GSTCD: variants seen among roughly 807,000 people sequenced by gnomAD.
GSTCD encodes glutathione S-transferase C-terminal domain containing, also known as glutathione S-transferase C-terminal domain-containing protein.
A neutral mutation model predicts 68.3 loss-of-function variants in GSTCD; 44 were observed. That is an observed-to-expected ratio of 0.64 (90% CI 0.51 to 0.83). The LOEUF is 0.83. Ranked by LOEUF, GSTCD falls within the 40% of genes least tolerant of loss-of-function variation. The probability of loss-of-function intolerance (pLI) is 0.00; values close to 1 mark genes in which losing one functional copy is unlikely to be tolerated. For synonymous variants in GSTCD, 273 were observed against 255.2 expected (o/e 1.07, Z -0.67); for missense variants, 739 against 735.9 (o/e 1.00, Z -0.05).
intron 5 of GSTCD, among the ~76,000 whole-genome samples, chr4:105,784,328 G>T (rs1462286343): frequency 6.6e-6 from 1 of 152,194 alleles, no homozygotes; most frequent in African/African-American, 2.4e-5. Flanking sequence ...GGCAGAATGT[G>T]GAAGGCAGAA....
intron 1 of GSTCD, among the ~76,000 whole-genome samples, chr4:105,711,281 A>G (rs1210954902): frequency 1.3e-5 from 2 of 152,228 alleles, no homozygotes; most frequent in African/African-American, 4.8e-5. Flanking sequence ...GATTTTTCAT[A>G]CTTATAAACT....
chr4:105,783,333 G>A (rs954581621), intron 5 of GSTCD, among the ~76,000 whole-genome samples: 7 of 152,136 alleles, frequency 4.6e-5, no homozygotes, highest in Non-Finnish European at 1.0e-4. Context: ...TGCTTTAGCA[G>A]GTTGGTATAT....
At chr4:105,744,461 A>G (rs1733736411) in intron 5 of GSTCD, among the ~76,000 whole-genome samples, 2 of 152,154 alleles carry the variant, frequency 1.3e-5, no homozygotes, top group South Asian at 2.1e-4. Flanking sequence ...TCATCCTTCT[A>G]TATTTATTAG....
intron 5 of GSTCD, chr4:105,761,698 T>C (rs1455161515): frequency 6.6e-6 from 1 of 152,150 alleles, no homozygotes; most frequent in Non-Finnish European, 1.5e-5. Context: ...CTGGCTTGTA[T>C]TGCTATTTAC....
intron 5 of GSTCD, among the ~76,000 whole-genome samples, chr4:105,748,735 T>C (rs1026680556): frequency 6.6e-6 from 1 of 151,914 alleles, no homozygotes; most frequent in African/African-American, 2.4e-5. Context: ...ACATACGATA[T>C]GTATTATATA....
rs137883958 is a variant in GSTCD, at chr4:105,834,532, C to T, written c.1602C>T (p.Phe534=). The T allele has an allele frequency of 2.5e-5, 40 of 1,614,038 alleles. No individual in the cohort carries two copies. In the East Asian group the frequency reaches 6.5e-4, roughly 26 times the overall value. ...IEHCIKTRAS[F]VTCPCCYGFI... ...ACTGTATCAAAACACGGGCTTCCTT[C>T]GTCACATGCCCTTGCTGTTATGGTT... Residue 534 remains phenylalanine (F), a synonymous_variant, in exon 9 of 12, where the codon TTC becomes TTT. Coordinates refer to ENST00000515279, the MANE Select transcript of GSTCD (RefSeq NM_001370181.1).
chr4:105,763,740 C>T (rs1734501461), intron 5 of GSTCD, among the ~76,000 whole-genome samples: 1 of 152,066 alleles, frequency 6.6e-6, no homozygotes, highest in Non-Finnish European at 1.5e-5. Context: ...AGTTATGTTA[C>T]ATTAAAGTTT....
intron 3 of GSTCD, among the ~76,000 whole-genome samples, chr4:105,720,970 A>AT (rs1211630776): frequency 5.3e-5 from 8 of 149,926 alleles, no homozygotes; most frequent in Non-Finnish European, 1.0e-4. Context: ...TTTTTACTGG[A>AT]TTTTTTTTTC....
At chr4:105,775,913 A>G (rs1735041294) in intron 5 of GSTCD, among the ~76,000 whole-genome samples, 1 of 152,238 alleles carries the variant, frequency 6.6e-6, no homozygotes, top group Non-Finnish European at 1.5e-5. Context: ...GCCAACAGGC[A>G]GGAACATTGA....
chr4:105,799,280 T>C (rs1736016325), intron 5 of GSTCD, among the ~76,000 whole-genome samples: 2 of 152,226 alleles, frequency 1.3e-5, no homozygotes, highest in South Asian at 4.1e-4. Context: ...GGCATTTTGC[T>C]TTCTTATCAT....
chr4:105,836,326 A>G (rs1724117686), intron 9 of GSTCD, among the ~76,000 whole-genome samples: 1 of 152,170 alleles, frequency 6.6e-6, no homozygotes, highest in African/African-American at 2.4e-5. Context: ...CGATTGGTCC[A>G]TGGGTGGCCA....
intron 5 of GSTCD, among the ~76,000 whole-genome samples, chr4:105,762,694 G>A (rs2149236874): frequency 6.6e-6 from 1 of 152,248 alleles, no homozygotes; most frequent in Admixed American, 6.5e-5. Context: ...ACCCACATAA[G>A]CTTTTAAAAG....
rs865952093 is a variant in GSTCD, at chr4:105,799,974, G to A, written c.1241-22980G>A. On this transcript the variant is annotated intron_variant, in intron 5 of 11. Coordinates refer to ENST00000515279, the MANE Select transcript of GSTCD (RefSeq NM_001370181.1). ...CAGTAGACACCAGGGCCTACTTAAG[G>A]GTGTAGGGTAAAAGGAGGGTGAAAA... 7.9e-5 allele frequency among the ~76,000 whole-genome samples: 12 copies of A among 152,236 alleles called. No individual in the cohort carries two copies. In the South Asian group the frequency reaches 2.3e-3, roughly 29 times the overall value.
intron 5 of GSTCD, among the ~76,000 whole-genome samples, chr4:105,779,103 C>A (rs1319016598): frequency 6.6e-6 from 1 of 152,126 alleles, no homozygotes; most frequent in Non-Finnish European, 1.5e-5. Context: ...TTAGATTTTG[C>A]CATTTGTCCC....
chr4:105,806,835 C>T (rs186546880), intron 5 of GSTCD, among the ~76,000 whole-genome samples: 137 of 152,216 alleles, frequency 9.0e-4, no homozygotes, highest in African/African-American at 2.7e-3. Context: ...ATAGGCCCTC[C>T]GATCCTATTC....
chr4:105,718,603 T>C (rs1732760032), intron 2 of GSTCD, among the ~76,000 whole-genome samples: 1 of 152,226 alleles, frequency 6.6e-6, no homozygotes, highest in Non-Finnish European at 1.5e-5. Flanking sequence ...ATATACCCTT[T>C]ACGTGTGTCA....
At chr4:105,774,445 T>C (rs1166910932) in intron 5 of GSTCD, among the ~76,000 whole-genome samples, 1 of 152,224 alleles carries the variant, frequency 6.6e-6, no homozygotes, top group African/African-American at 2.4e-5. Context: ...CTTCATAGTG[T>C]CGATAATCTT....
intron 7 of GSTCD, 52 bp from the exon 8 acceptor site, chr4:105,825,620 A>G: frequency 9.6e-7 from 1 of 1,043,494 alleles, no homozygotes; most frequent in Non-Finnish European, 1.5e-6. Flanking sequence ...TGCTTTGCCT[A>G]ATGTCTGAAT....
intron 5 of GSTCD, among the ~76,000 whole-genome samples, chr4:105,763,495 C>A (rs186427048): frequency 6.6e-6 from 1 of 152,112 alleles, no homozygotes; most frequent in Non-Finnish European, 1.5e-5. Flanking sequence ...GCACAAGGTC[C>A]CACAACTAGT....
Sources: allele counts gnomAD v4.1 joint callset (sites outside exome capture counted in the v4.1 genomes callset), GRCh38; gene constraint gnomAD v4.1.1; transcripts MANE v1.5; gene names NCBI Gene and HGNC (gene_info 2026-07-23, HGNC 2026-07-21).